The following MLLT3 variants were observed in gnomAD, a reference collection of about 807,000 sequenced individuals.
MLLT3 encodes MLLT3 super elongation complex subunit.
Under a neutral mutation model 53.2 loss-of-function variants are expected in MLLT3, and 4 were observed. The ratio of observed to expected loss-of-function variants is 0.08; its 90% CI spans 0.04 to 0.17. MLLT3 has a LOEUF of 0.17. MLLT3 is among the 10% of genes least tolerant of loss of function. The pLI is 1.00. For missense variants in MLLT3, 569 were observed against 684.0 expected, an observed-to-expected ratio of 0.83 and a Z score of 1.87; for synonymous variants, 283 against 230.6, an observed-to-expected ratio of 1.23 and a Z score of -2.06.
intron 2 of MLLT3, among the ~76,000 whole-genome samples, chr9:20,508,717 C>T (rs890794178): frequency 2.0e-5 from 3 of 152,038 alleles, no homozygotes; most frequent in South Asian, 2.1e-4. Context: ...TAAACCCAAA[C>T]GGCTAAAAAG....
At chr9:20,440,394 C>G (rs540855094) in intron 4 of MLLT3, among the ~76,000 whole-genome samples, 1 of 152,240 alleles carries the variant, frequency 6.6e-6, no homozygotes, top group African/African-American at 2.4e-5. Flanking sequence ...TAAAGTGTTA[C>G]CTTCAGATCC....
In MLLT3 at chr9:20,427,361, G is replaced by A. The variant is rs186098959; in HGVS notation, c.421-12936C>T. Among the ~76,000 whole-genome samples, 174 of 150,128 alleles carry A rather than the reference G, an allele frequency of 1.2e-3. 1 individual carries two copies. Among genetic ancestry groups the A allele is most frequent in the Middle Eastern group, 3.4e-3 (1 of 290 alleles). On this transcript the variant is annotated intron_variant, in intron 4 of 10. Transcript: ENST00000380338. ...TATCTCAATGGACTAGTTAAACAGC[G>A]GACTGAACACAGCTGAAAAGAATTA...
intron 2 of MLLT3, among the ~76,000 whole-genome samples, chr9:20,592,388 C>T (rs540846655): frequency 6.6e-6 from 1 of 152,280 alleles, no homozygotes; most frequent in Admixed American, 6.5e-5. Context: ...AAGATATCAG[C>T]AGGGCTGATT....
At chr9:20,517,695 G>T (rs1817951190) in intron 2 of MLLT3, among the ~76,000 whole-genome samples, 1 of 152,124 alleles carries the variant, frequency 6.6e-6, no homozygotes, top group East Asian at 1.9e-4. Flanking sequence ...AATAAGCCGG[G>T]TGTGCTGGTG....
At chr9:20,557,307 G>C (rs1224154400) in intron 2 of MLLT3, among the ~76,000 whole-genome samples, 2 of 152,012 alleles carry the variant, frequency 1.3e-5, no homozygotes, top group Admixed American at 1.3e-4. Flanking sequence ...CAGGTTACCT[G>C]GTTTCAAAAT....
intron 5 of MLLT3, among the ~76,000 whole-genome samples, chr9:20,404,707 T>C (rs77733545): frequency 0.036 from 5,547 of 152,226 alleles, 289 homozygotes; most frequent in African/African-American, 0.12. Flanking sequence ...GATCTCACTA[T>C]GTTGCCCAGG....
In MLLT3 at chr9:20,545,096, C is replaced by CAAA. The variant is rs60850984; in HGVS notation, c.193+75555_193+75557dup. 8.5e-4 allele frequency among the ~76,000 whole-genome samples: 41 copies of CAAA among 48,076 alleles called. 1 individual carries two copies. The highest frequency in any genetic ancestry group is 1.2e-3 in the Non-Finnish European group (31 of 26,606). The allele number at this position is 48,076 out of a possible 152,430, so 31.5% of individuals were successfully genotyped here. On this transcript the variant is annotated intron_variant, in intron 2 of 10. Transcript: ENST00000380338. ...GGTGACACAGCAAGACCTATCTCTA[C>CAAA]AAAAAAAAAAAAAAAAAAAAAAAAA...
chr9:20,389,542 A>G (rs1822133352), intron 5 of MLLT3, among the ~76,000 whole-genome samples: 1 of 152,056 alleles, frequency 6.6e-6, no homozygotes, highest in South Asian at 2.1e-4. Flanking sequence ...TGGGAGGCCA[A>G]GGTGGGAGGA....
At chr9:20,455,608 G>A (rs1416709499) in intron 3 of MLLT3, among the ~76,000 whole-genome samples, 3 of 152,002 alleles carry the variant, frequency 2.0e-5, no homozygotes, top group African/African-American at 7.3e-5. Context: ...TGGATAACAT[G>A]ACATTCTATT....
chr9:20,597,665 A>T (rs984637339), intron 2 of MLLT3, among the ~76,000 whole-genome samples: 1 of 152,210 alleles, frequency 6.6e-6, no homozygotes, highest in Non-Finnish European at 1.5e-5. Context: ...GACCAATAAG[A>T]TAAGAAAGTT....
At chr9:20,421,054 A>T (rs1180386097) in intron 4 of MLLT3, among the ~76,000 whole-genome samples, 1 of 152,088 alleles carries the variant, frequency 6.6e-6, no homozygotes, top group Admixed American at 6.5e-5. Context: ...ACTTGAGGTC[A>T]GGAGTTCAAG....
chr9:20,589,263 G>A (rs1312653910), intron 2 of MLLT3, among the ~76,000 whole-genome samples: 1 of 151,954 alleles, frequency 6.6e-6, no homozygotes, highest in Non-Finnish European at 1.5e-5. Context: ...CCATAAAAAG[G>A]ATGAGTTCAT....
chr9:20,565,863 C>A (rs141210967), intron 2 of MLLT3, among the ~76,000 whole-genome samples: 2 of 145,536 alleles, frequency 1.4e-5, no homozygotes, highest in Non-Finnish European at 1.5e-5. Context: ...CAGAAAAAGT[C>A]CACTCTCTAT....
intron 2 of MLLT3, among the ~76,000 whole-genome samples, chr9:20,594,656 C>G (rs1276617734): frequency 6.6e-6 from 1 of 152,130 alleles, no homozygotes; most frequent in African/African-American, 2.4e-5. Context: ...GCTTACAAAA[C>G]AGACTGAGGT....
intron 5 of MLLT3, among the ~76,000 whole-genome samples, chr9:20,385,930 A>T (rs1822023517): frequency 6.6e-6 from 1 of 152,178 alleles, no homozygotes; most frequent in African/African-American, 2.4e-5. Flanking sequence ...TGTATTCTGA[A>T]GTAAACTGCA....
At chr9:20,529,049 A>G (rs777155424) in intron 2 of MLLT3, among the ~76,000 whole-genome samples, 41 of 152,252 alleles carry the variant, frequency 2.7e-4, no homozygotes, top group Admixed American at 9.2e-4. Flanking sequence ...TAGTAGTGAG[A>G]GCCTGGATCA....
intron 2 of MLLT3, among the ~76,000 whole-genome samples, chr9:20,600,390 T>C (rs939816159): frequency 6.6e-6 from 1 of 152,220 alleles, no homozygotes; most frequent in Non-Finnish European, 1.5e-5. Context: ...TGGTGCTCAA[T>C]GTTGGCTGAA....
At chr9:20,413,689 G>A (rs528723410) in intron 5 of MLLT3, 32 bp downstream of exon 5, 2 of 1,502,342 alleles carry the variant, frequency 1.3e-6, no homozygotes, top group South Asian at 2.7e-5. Flanking sequence ...TGAAAATAAG[G>A]GAAAGGAAGA....
chr9:20,427,583 T>C (rs1823168163), intron 4 of MLLT3, among the ~76,000 whole-genome samples: 1 of 151,852 alleles, frequency 6.6e-6, no homozygotes, highest in Admixed American at 6.6e-5. Flanking sequence ...AATCTACAGA[T>C]AAACCAAGTA....
Sources: gnomAD v4.1 joint callset for allele counts (sites outside exome capture counted in the v4.1 genomes callset) on GRCh38, gnomAD v4.1.1 for gene constraint, MANE v1.5 for transcripts, NCBI Gene and HGNC (gene_info 2026-07-23, HGNC 2026-07-21) for gene names.